The following ZNF385B variants were observed in gnomAD, a reference collection of about 807,000 sequenced individuals.
The protein encoded by ZNF385B is zinc finger protein 385B.
Under a neutral mutation model 39.2 loss-of-function variants are expected in ZNF385B, and 23 were observed. The ratio of observed to expected loss-of-function variants is 0.59; its 90% CI spans 0.42 to 0.83. The LOEUF (loss-of-function observed/expected upper bound fraction) is 0.83. Ranked by LOEUF, ZNF385B falls within the 40% of genes least tolerant of loss-of-function variation. ZNF385B has a pLI of 0.00. For missense variants in ZNF385B, 552 were observed against 598.9 expected (o/e 0.92, Z 0.82); for synonymous variants, 205 against 222.6 (o/e 0.92, Z 0.70).
intron 1 of ZNF385B, among the ~76,000 whole-genome samples, chr2:179,776,362 C>A (rs990151490): frequency 3.9e-5 from 6 of 152,118 alleles, no homozygotes; most frequent in African/African-American, 1.4e-4. Context: ...GGCATTCCTG[C>A]TGTGGAAGGG....
chr2:179,467,548 C>T (rs1054733398), intron 6 of ZNF385B, among the ~76,000 whole-genome samples: 7 of 152,108 alleles, frequency 4.6e-5, no homozygotes, highest in African/African-American at 1.7e-4. Flanking sequence ...TGAAATTCTC[C>T]GAGCATTATA....
At chr2:179,625,375 C>T (rs923150288) in intron 3 of ZNF385B, among the ~76,000 whole-genome samples, 2 of 151,664 alleles carry the variant, frequency 1.3e-5, no homozygotes, top group African/African-American at 4.8e-5. Context: ...TCTAGCCTTA[C>T]TTATTTTATG....
Position 179,442,994 on chromosome 2 carries a change from A to G in ZNF385B, c.*256T>C, listed in dbSNP as rs2049094895. Reference sequence around the variant, plus strand: ...AGAAATCAAATATCTGAGATACACAAATTGAACGCGGTAGGGTGGGGGAGG... The same window carrying G: ...AGAAATCAAATATCTGAGATACACAGATTGAACGCGGTAGGGTGGGGGAGG... On this transcript the variant is annotated 3_prime_UTR_variant, in exon 10 of 10. Coordinates refer to ENST00000410066, the MANE Select transcript of ZNF385B (RefSeq NM_152520.6). The G allele has an allele frequency of 1.8e-6, 1 of 567,558 alleles. No individual in the cohort carries two copies. The highest frequency in any genetic ancestry group is 3.1e-5 in the Admixed American group (1 of 32,320). The allele number at this position is 567,558 out of a possible 1,614,324, so 35.2% of individuals were successfully genotyped here.
chr2:179,642,313 G>A (rs1692336640), intron 3 of ZNF385B, among the ~76,000 whole-genome samples: 3 of 152,116 alleles, frequency 2.0e-5, no homozygotes, highest in Admixed American at 6.6e-5. Flanking sequence ...CTTCCCTTCT[G>A]ATGGTCAATA....
At chr2:179,587,858 A>G (rs1240563671) in intron 3 of ZNF385B, among the ~76,000 whole-genome samples, 1 of 152,172 alleles carries the variant, frequency 6.6e-6, no homozygotes, top group African/African-American at 2.4e-5. Flanking sequence ...TTTAACTTCT[A>G]TTTTCTCCTA....
intron 3 of ZNF385B, among the ~76,000 whole-genome samples, chr2:179,640,863 T>C (rs1370649642): frequency 6.6e-6 from 1 of 152,166 alleles, no homozygotes; most frequent in Non-Finnish European, 1.5e-5. Flanking sequence ...GTGAACACAA[T>C]GGTATAATAA....
chr2:179,719,731 C>G (rs1263269799), intron 3 of ZNF385B, among the ~76,000 whole-genome samples: 1 of 152,180 alleles, frequency 6.6e-6, no homozygotes, highest in Non-Finnish European at 1.5e-5. Flanking sequence ...CTTGCAGCAG[C>G]CTAGCTATTG....
chr2:179,768,959 T>G (rs926230316), intron 3 of ZNF385B, among the ~76,000 whole-genome samples: 2 of 152,202 alleles, frequency 1.3e-5, no homozygotes, highest in Non-Finnish European at 2.9e-5. Flanking sequence ...GCCTTGTTGG[T>G]TTTGGCAATG....
At chr2:179,498,573 T>A (rs1320362694) in intron 5 of ZNF385B, among the ~76,000 whole-genome samples, 1 of 151,976 alleles carries the variant, frequency 6.6e-6, no homozygotes, top group Admixed American at 6.6e-5. Flanking sequence ...TTAAACAATA[T>A]GTTCCTGAAT....
intron 3 of ZNF385B, among the ~76,000 whole-genome samples, chr2:179,745,027 T>C (rs1436785264): frequency 1.3e-5 from 2 of 152,064 alleles, no homozygotes; most frequent in African/African-American, 2.4e-5. Flanking sequence ...TGAGCACAGG[T>C]ATTTTATTTA....
intron 3 of ZNF385B, among the ~76,000 whole-genome samples, chr2:179,622,499 C>A (rs1575009327): frequency 6.6e-6 from 1 of 152,120 alleles, no homozygotes; most frequent in Non-Finnish European, 1.5e-5. Context: ...TAAAAATAAA[C>A]CTTATTTTCT....
chr2:179,573,336 T>C (rs1326979652), intron 3 of ZNF385B, among the ~76,000 whole-genome samples: 1 of 152,066 alleles, frequency 6.6e-6, no homozygotes, highest in Non-Finnish European at 1.5e-5. Flanking sequence ...CACCTAGACT[T>C]GGATGAAAGG....
rs537079183 is a variant in ZNF385B at position 179,767,521 on chromosome 2, C to A, written c.298+1982G>T. ...CTAAATCAAAGAATCTTTCTGAATA[C>A]ACAAAAGTGAGAAGTTATGAGTTGA... On this transcript the variant is annotated intron_variant, in intron 3 of 9. Coordinates refer to ENST00000410066, the MANE Select transcript of ZNF385B (RefSeq NM_152520.6). Among the ~76,000 whole-genome samples the A allele has an allele frequency of 3.9e-5, 6 of 152,220 alleles. No homozygotes were observed. The South Asian group carries it at 1.2e-3, about 32-fold the overall frequency.
chr2:179,531,494 G>T (rs1293999944), intron 4 of ZNF385B, among the ~76,000 whole-genome samples: 1 of 151,862 alleles, frequency 6.6e-6, no homozygotes, highest in Non-Finnish European at 1.5e-5. Context: ...AAATCAGCTG[G>T]GTGTGGTGGT....
chr2:179,715,937 T>C (rs1485912856), intron 3 of ZNF385B, among the ~76,000 whole-genome samples: 1 of 152,194 alleles, frequency 6.6e-6, no homozygotes, highest in Non-Finnish European at 1.5e-5. Flanking sequence ...ATTTAAATAA[T>C]TTATGCCTGT....
chr2:179,831,094 T>C (rs1379727208), intron 1 of ZNF385B, among the ~76,000 whole-genome samples: 1 of 152,182 alleles, frequency 6.6e-6, no homozygotes, highest in Non-Finnish European at 1.5e-5. Flanking sequence ...GTAATACTCA[T>C]GAAATGGGAA....
intron 5 of ZNF385B, among the ~76,000 whole-genome samples, chr2:179,493,618 TATATGTATACGC>T: frequency 9.0e-6 from 1 of 110,558 alleles, no homozygotes; most frequent in Non-Finnish European, 1.9e-5. Flanking sequence ...TGTACGTACA[TATATGTATACGC>T]ATATGTATAC....
chr2:179,750,374 T>C (rs1362538329), intron 3 of ZNF385B, among the ~76,000 whole-genome samples: 3 of 152,112 alleles, frequency 2.0e-5, no homozygotes, highest in African/African-American at 4.8e-5. Context: ...CTTTGAAGAA[T>C]AGAGTCAGGA....
At chr2:179,637,605 T>C (rs926575014) in intron 3 of ZNF385B, among the ~76,000 whole-genome samples, 5 of 152,132 alleles carry the variant, frequency 3.3e-5, no homozygotes, top group African/African-American at 1.2e-4. Context: ...TATTTGGGAC[T>C]TACTATTCAT....
Sources: allele counts gnomAD v4.1 joint callset (sites outside exome capture counted in the v4.1 genomes callset), GRCh38; gene constraint gnomAD v4.1.1; transcripts MANE v1.5; gene names NCBI Gene and HGNC (gene_info 2026-07-23, HGNC 2026-07-21).